The following CLEC2A variants were observed in gnomAD, a reference collection of about 807,000 sequenced individuals.
The protein encoded by CLEC2A is keratinocyte-associated C-type lectin.
A neutral mutation model predicts 18.6 loss-of-function variants in CLEC2A; 19 were observed. The ratio of observed to expected loss-of-function variants is 1.02; its 90% CI spans 0.71 to 1.50. CLEC2A has a LOEUF of 1.50. CLEC2A is among the 40% of genes most tolerant of loss of function. The pLI is 0.00. For missense variants in CLEC2A, 190 were observed against 207.9 expected (o/e 0.91, Z 0.53); for synonymous variants, 74 against 64.0 (o/e 1.16, Z -0.75).
chr12:9,913,272 G>A lies in CLEC2A; in HGVS notation c.*294C>T, dbSNP rs1296274328. The A allele has an allele frequency of 3.1e-6, 1 of 319,278 alleles. No individual in the cohort carries two copies. The highest frequency in any genetic ancestry group is 2.2e-5 in the African/African-American group (1 of 45,720). 19.8% of individuals were successfully genotyped at this position (319,278 alleles called of 1,614,324 possible). A position where few individuals can be genotyped will look rare whatever the true frequency, so the allele number is the denominator to read the frequency against. On this transcript the variant is annotated 3_prime_UTR_variant, in exon 5 of 5. Coordinates refer to ENST00000455827, the MANE Select transcript of CLEC2A (RefSeq NM_001130711.2). ...TCCTCCCAAAACTCATAAATTGAAA[G>A]CTAATCACCAGTGTGATGGTATTAG... is the stretch of plus-strand genomic sequence containing the variant.
chr12:9,884,910 G>T, the CLEC2A span: 2 of 789,884 alleles, frequency 2.5e-6, no homozygotes, highest in African/African-American at 1.8e-5. Flanking sequence ...ATAATCACAA[G>T]AATTCTAAAA....
At chr12:9,881,609 A>G in the CLEC2A span, 1 of 1,534,264 alleles carries the variant, frequency 6.5e-7, no homozygotes, top group Non-Finnish European at 8.7e-7. Flanking sequence ...GAGAATGAAG[A>G]TGGGTATATG....
At chr12:9,898,911 A>C in exon 5 of CLEC2A, 1 of 715,860 alleles carries the variant, frequency 1.4e-6, no homozygotes. Flanking sequence ...GGCCTATCTA[A>C]GGGGTCCCAG....
the CLEC2A span, among the ~76,000 whole-genome samples, chr12:9,890,707 G>T: frequency 1.3e-5 from 2 of 152,166 alleles, no homozygotes; most frequent in Non-Finnish European, 2.9e-5. Flanking sequence ...AACAGATGGG[G>T]ACTCTTCTTT....
intron 4 of CLEC2A, among the ~76,000 whole-genome samples, chr12:9,900,410 C>T (rs1174664751): frequency 6.6e-6 from 1 of 151,972 alleles, no homozygotes; most frequent in Non-Finnish European, 1.5e-5. Flanking sequence ...CTCTGCAGTC[C>T]TCATTTTTGT....
At chr12:9,931,228 G>T (rs1274114652) in intron 1 of CLEC2A, among the ~76,000 whole-genome samples, 1 of 152,052 alleles carries the variant, frequency 6.6e-6, no homozygotes, top group Non-Finnish European at 1.5e-5. Flanking sequence ...AATTTATTTG[G>T]CTAAAGGGAT....
In CLEC2A at chr12:9,919,665, C is replaced by T. The variant is rs906846954; in HGVS notation, c.306+2401G>A. On this transcript the variant is annotated intron_variant, in intron 3 of 4. Coordinates refer to ENST00000455827, the MANE Select transcript of CLEC2A (RefSeq NM_001130711.2). ...GTGAGGAGACAAGGAGATGGGCACT[C>T]ATGTAACAGTCTGGCCACTTTATCA... 5.3e-5 allele frequency among the ~76,000 whole-genome samples: 8 copies of T among 152,300 alleles called. No individual in the cohort carries two copies. In the East Asian group the frequency reaches 1.2e-3, roughly 22 times the overall value.
chr12:9,891,394 C>G, the CLEC2A span, among the ~76,000 whole-genome samples: 5 of 152,156 alleles, frequency 3.3e-5, no homozygotes, highest in African/African-American at 1.2e-4. Context: ...GTGTCCACAT[C>G]TTGCATCTTC....
At chr12:9,916,574 A>G in intron 4 of CLEC2A, 126 bp downstream of exon 4, 1 of 691,282 alleles carries the variant, frequency 1.4e-6, no homozygotes, top group South Asian at 1.8e-5. Flanking sequence ...CATCGATTGG[A>G]GACTGAAAAG....
Position 9,913,549 on chromosome 12 carries a change from T to C in CLEC2A, c.*17A>G, listed in dbSNP as rs978187216. ...TCAATCTTGAAGTGTGATAATCATT[T>C]TCAAGTTTTTTCTGCTCTATAAAAA... is the stretch of plus-strand genomic sequence containing the variant. On this transcript the variant is annotated 3_prime_UTR_variant, in exon 5 of 5. Transcript: ENST00000455827. 9.1e-6 allele frequency: 14 copies of C among 1,534,202 alleles called. No homozygotes were observed. The East Asian group carries it at 2.7e-4, about 30-fold the overall frequency.
At chr12:9,924,365 C>T (rs919284950) in intron 2 of CLEC2A, among the ~76,000 whole-genome samples, 1 of 152,092 alleles carries the variant, frequency 6.6e-6, no homozygotes, top group Non-Finnish European at 1.5e-5. Context: ...ACAGCAATAA[C>T]ATTAAGCTCT....
chr12:9,901,188 C>A (rs148336034), intron 4 of CLEC2A, among the ~76,000 whole-genome samples: 1 of 152,198 alleles, frequency 6.6e-6, no homozygotes, highest in Non-Finnish European at 1.5e-5. Flanking sequence ...CATTCGTGAA[C>A]ATTTCAGCTC....
chr12:9,909,067 A>C (rs1005711935), downstream of CLEC2A, among the ~76,000 whole-genome samples: 1 of 152,138 alleles, frequency 6.6e-6, no homozygotes, highest in Non-Finnish European at 1.5e-5. Flanking sequence ...TGTCTGCCCA[A>C]CTATTAGTAA....
At chr12:9,917,311 T>C (rs1428060713) in intron 3 of CLEC2A, among the ~76,000 whole-genome samples, 1 of 152,214 alleles carries the variant, frequency 6.6e-6, no homozygotes, top group Non-Finnish European at 1.5e-5. Context: ...GATTATTTCA[T>C]CACCCAAGTA....
At position 9,922,208 on chromosome 12, in the gene CLEC2A, G is replaced by T. The variant is rs1863185489; in HGVS notation, c.164C>A (p.Pro55His). The change falls in exon 3 of 5, where the codon CCT becomes CAT. Residue 55 changes from proline to histidine, a missense_variant. Coordinates refer to ENST00000455827, the MANE Select transcript of CLEC2A (RefSeq NM_001130711.2). ...AAGCCAGTCCCCTGAACATGCCACA[G>T]GTTTAGCATGCTTGGACCATGTGGC... ...MIATWSKHAK[P>H]VACSGDWLGV... 1 of 1,547,664 alleles carries T rather than the reference G, an allele frequency of 6.5e-7. No homozygotes were observed. The highest frequency in any genetic ancestry group is 8.7e-7 in the Non-Finnish European group (1 of 1,145,270).
rs542700907 is a variant in CLEC2A at position 9,913,308 on chromosome 12, C to T, written c.*258G>A. On this transcript the variant is annotated 3_prime_UTR_variant, in exon 5 of 5. Transcript: ENST00000455827. ...GTGTGATGGTATTAGGGGATGGAGC[C>T]ATCCATCAGGAGGTGATTAGTTCAT... 41 of 416,104 alleles carry T rather than the reference C, an allele frequency of 9.9e-5. No homozygotes were observed. In the South Asian group the frequency reaches 1.8e-3, roughly 19 times the overall value. The allele number at this position is 416,104 out of a possible 1,614,324, so 25.8% of individuals were successfully genotyped here.
chr12:9,902,428 T>A (rs1862844122), intron 4 of CLEC2A, among the ~76,000 whole-genome samples: 1 of 151,898 alleles, frequency 6.6e-6, no homozygotes, highest in Non-Finnish European at 1.5e-5. Context: ...AAACGAGGTT[T>A]CATCATGTTG....
At chr12:9,919,945 T>C (rs1055385955) in intron 3 of CLEC2A, among the ~76,000 whole-genome samples, 2 of 152,180 alleles carry the variant, frequency 1.3e-5, no homozygotes, top group Non-Finnish European at 2.9e-5. Context: ...ACAAGGGCAG[T>C]CTGGCCACTT....
the CLEC2A span, chr12:9,881,810 A>T: frequency 1.2e-4 from 80 of 673,000 alleles, no homozygotes; most frequent in Non-Finnish European, 1.8e-4. Context: ...GATTATTTAG[A>T]TTCATGAAAG....
Sources: allele counts gnomAD v4.1 joint callset (sites outside exome capture counted in the v4.1 genomes callset), GRCh38; gene constraint gnomAD v4.1.1; transcripts MANE v1.5; gene names NCBI Gene and HGNC (gene_info 2026-07-23, HGNC 2026-07-21).